The following FHIT variants were observed in gnomAD, a reference collection of about 807,000 sequenced individuals.
FHIT encodes the protein fragile histidine triad diadenosine triphosphatase.
Under a neutral mutation model 17.9 loss-of-function variants are expected in FHIT, and 19 were observed. The observed-to-expected ratio is 1.06, with a 90% CI of 0.74 to 1.56. The LOEUF (loss-of-function observed/expected upper bound fraction) is 1.56. Ranked by LOEUF, FHIT falls within the 40% of genes most tolerant of loss-of-function variation. The probability of loss-of-function intolerance (pLI) is 0.00; values close to 1 mark genes in which losing one functional copy is unlikely to be tolerated. For missense variants in FHIT, 248 were observed against 189.2 expected, an observed-to-expected ratio of 1.31 and a Z score of -1.82; for synonymous variants, 81 against 69.7, an observed-to-expected ratio of 1.16 and a Z score of -0.81.
intron 3 of FHIT, among the ~76,000 whole-genome samples, chr3:60,880,212 C>T (rs1704894177): frequency 6.6e-6 from 1 of 152,098 alleles, no homozygotes; most frequent in African/African-American, 2.4e-5. Context: ...CAGGAAAGAA[C>T]AGAAAGCTAC....
rs565704401 is a variant in FHIT, at chr3:60,415,101, G to A, written c.103+121759C>T. Among the ~76,000 whole-genome samples, 20 of 152,222 alleles carry A rather than the reference G, an allele frequency of 1.3e-4. 1 individual carries two copies. In the South Asian group the frequency reaches 4.2e-3, roughly 32 times the overall value. On this transcript the variant is annotated intron_variant, in intron 5 of 9. Coordinates refer to ENST00000492590, the MANE Select transcript of FHIT (RefSeq NM_002012.4). ...AGGCATTCTGATGCTGGTAGATTAA[G>A]GACCACAGTTTGAGAAATACCTAGT...
intron 4 of FHIT, among the ~76,000 whole-genome samples, chr3:60,538,057 T>A (rs1374563965): frequency 6.6e-6 from 1 of 152,174 alleles, no homozygotes; most frequent in African/African-American, 2.4e-5. Flanking sequence ...ATGCTAATGA[T>A]TGACTGGTGT....
chr3:61,151,857 A>G (rs753265696), intron 2 of FHIT, among the ~76,000 whole-genome samples: 15 of 152,194 alleles, frequency 9.9e-5, no homozygotes, highest in Non-Finnish European at 2.1e-4. Flanking sequence ...TACTGGGATT[A>G]TAGGCATAAA....
intron 7 of FHIT, among the ~76,000 whole-genome samples, chr3:59,960,410 T>C (rs1021984413): frequency 6.6e-6 from 1 of 152,216 alleles, no homozygotes; most frequent in Non-Finnish European, 1.5e-5. Context: ...ATTTCTGACC[T>C]GACCAGATAG....
chr3:60,267,781 AT>A (rs954165018), intron 5 of FHIT, among the ~76,000 whole-genome samples: 2 of 152,166 alleles, frequency 1.3e-5, no homozygotes, highest in African/African-American at 4.8e-5. Context: ...CTGGAATTAT[AT>A]TTTTTCTAGA....
chr3:60,229,361 G>A (rs1176398764), intron 5 of FHIT, among the ~76,000 whole-genome samples: 1 of 151,042 alleles, frequency 6.6e-6, no homozygotes, highest in Non-Finnish European at 1.5e-5. Context: ...AGGTTGCAGT[G>A]AGCTGAGCTC....
chr3:60,287,186 T>TC (rs1164005674), intron 5 of FHIT, among the ~76,000 whole-genome samples: 3 of 152,182 alleles, frequency 2.0e-5, no homozygotes, highest in Non-Finnish European at 4.4e-5. Context: ...CATTTTTTTT[T>TC]CAGACAGAGT....
chr3:60,611,286 C>T (rs782463661), intron 4 of FHIT, among the ~76,000 whole-genome samples: 1 of 152,170 alleles, frequency 6.6e-6, no homozygotes, highest in South Asian at 2.1e-4. Flanking sequence ...ATTAGATTTG[C>T]CTTTTAACAA....
chr3:60,347,948 G>A (rs1434223529), intron 5 of FHIT, among the ~76,000 whole-genome samples: 2 of 151,888 alleles, frequency 1.3e-5, no homozygotes, highest in Non-Finnish European at 2.9e-5. Context: ...TACTAAAGAC[G>A]AGGTTTCACC....
chr3:60,733,374 C>CAAT (rs1330996070), intron 4 of FHIT, among the ~76,000 whole-genome samples: 1 of 152,116 alleles, frequency 6.6e-6, no homozygotes, highest in African/African-American at 2.4e-5. Flanking sequence ...TTTATTGTTC[C>CAAT]AATATATTTT....
At position 60,327,358 on chromosome 3, in the gene FHIT, T is replaced by C. The variant is rs1467276991; in HGVS notation, c.103+209502A>G. Among the ~76,000 whole-genome samples the C allele has an allele frequency of 3.3e-5, 5 of 152,204 alleles. No homozygotes were observed. In the South Asian group the frequency reaches 6.2e-4, roughly 19 times the overall value. On this transcript the variant is annotated intron_variant, in intron 5 of 9. Transcript: ENST00000492590. ...CCCTTTTCAGTAAAGTGTCAGAGAT[T>C]AGCTATTTTAGGCTTTGCAAGCCAT... is the stretch of plus-strand genomic sequence containing the variant.
rs1036312021 is a variant in FHIT, at chr3:61,222,115, C to T, written c.-212-21450G>A. Among the ~76,000 whole-genome samples, 5 of 152,172 alleles carry T rather than the reference C, an allele frequency of 3.3e-5. No homozygotes were observed. The East Asian group carries it at 9.6e-4, about 29-fold the overall frequency. On this transcript the variant is annotated intron_variant, in intron 1 of 9. Coordinates refer to ENST00000492590, the MANE Select transcript of FHIT (RefSeq NM_002012.4). ...CTGAACTCTCCATCTGGAAGACTCT[C>T]TAGTCTCCTTCCCTCTCATTTTTAA...
intron 4 of FHIT, among the ~76,000 whole-genome samples, chr3:60,581,563 T>G (rs1269873482): frequency 6.6e-6 from 1 of 152,112 alleles, no homozygotes; most frequent in South Asian, 2.1e-4. Context: ...TAGTGATTCC[T>G]ATTAAGTAAA....
intron 5 of FHIT, among the ~76,000 whole-genome samples, chr3:60,065,791 T>C (rs944713547): frequency 6.6e-6 from 1 of 152,126 alleles, no homozygotes; most frequent in Non-Finnish European, 1.5e-5. Flanking sequence ...CAACTACTCA[T>C]TCTCTCAGAC....
At chr3:60,527,346 G>A (rs1248249843) in intron 5 of FHIT, among the ~76,000 whole-genome samples, 1 of 152,070 alleles carries the variant, frequency 6.6e-6, no homozygotes, top group Non-Finnish European at 1.5e-5. Flanking sequence ...AATCATCTTT[G>A]GTGAATGGAA....
intron 4 of FHIT, among the ~76,000 whole-genome samples, chr3:60,762,841 T>G (rs1699705522): frequency 6.6e-6 from 1 of 152,180 alleles, no homozygotes; most frequent in Non-Finnish European, 1.5e-5. Flanking sequence ...GCTTTTGGAC[T>G]TGAGTGGCAA....
At chr3:59,921,040 G>A (rs1320731499) in intron 8 of FHIT, among the ~76,000 whole-genome samples, 1 of 152,052 alleles carries the variant, frequency 6.6e-6, no homozygotes, top group Non-Finnish European at 1.5e-5. Flanking sequence ...GCAGCAACTG[G>A]TCCACAAATC....
At chr3:60,395,414 G>A (rs150233421) in intron 5 of FHIT, among the ~76,000 whole-genome samples, 10 of 152,130 alleles carry the variant, frequency 6.6e-5, no homozygotes, top group Admixed American at 2.0e-4. Context: ...GCTTTTAGGC[G>A]GTATGAATTA....
chr3:60,501,361 G>C (rs6775598), intron 5 of FHIT, among the ~76,000 whole-genome samples: 8,661 of 152,230 alleles, frequency 0.057, 656 homozygotes, highest in African/African-American at 0.17. Flanking sequence ...CAGACTCCCA[G>C]AGTTGCAATA....
Sources: gnomAD v4.1 joint callset for allele counts (sites outside exome capture counted in the v4.1 genomes callset) on GRCh38, gnomAD v4.1.1 for gene constraint, MANE v1.5 for transcripts, NCBI Gene and HGNC (gene_info 2026-07-23, HGNC 2026-07-21) for gene names.